The following DLGAP2 variants were observed in gnomAD, a reference collection of about 807,000 sequenced individuals.
The protein encoded by DLGAP2 is disks large-associated protein 2.
A neutral mutation model predicts 100.3 loss-of-function variants in DLGAP2; 26 were observed. The observed-to-expected ratio is 0.26, with a 90% CI of 0.19 to 0.36. The LOEUF (loss-of-function observed/expected upper bound fraction) is 0.36, where lower values mean the gene tolerates loss of function less well. Ranked by LOEUF, DLGAP2 falls within the 10% of genes least tolerant of loss-of-function variation. The pLI, the probability that DLGAP2 is intolerant of heterozygous loss-of-function variation, is 1.00. For missense variants in DLGAP2, 1,858 were observed against 1,453.2 expected, an observed-to-expected ratio of 1.28 and a Z score of -4.53; for synonymous variants, 886 against 630.1, an observed-to-expected ratio of 1.41 and a Z score of -6.08.
intron 2 of DLGAP2, among the ~76,000 whole-genome samples, chr8:1,163,199 T>C (rs765266060): frequency 1.9e-4 from 29 of 152,360 alleles, no homozygotes; most frequent in South Asian, 1.2e-3. Flanking sequence ...CTGACGTGTC[T>C]GTGCCAGTGA....
intron 3 of DLGAP2, among the ~76,000 whole-genome samples, chr8:1,266,962 C>G (rs1799465738): frequency 6.6e-6 from 1 of 151,996 alleles, no homozygotes. Flanking sequence ...GGCGCGGTGG[C>G]TCACGCCTAT....
chr8:1,040,497 T>TCAGTGTGCGTGGTCAG (rs1802310431), intron 2 of DLGAP2, among the ~76,000 whole-genome samples: 1 of 48,982 alleles, frequency 2.0e-5, no homozygotes, highest in Non-Finnish European at 4.1e-5. Context: ...TCCGTGGTCG[T>TCAGTGTGCGTGGTCAG]CTCGGTGTGC....
chr8:1,306,490 G>C (rs1033379197), intron 3 of DLGAP2, among the ~76,000 whole-genome samples: 1 of 152,140 alleles, frequency 6.6e-6, no homozygotes, highest in South Asian at 2.1e-4. Context: ...GCTTACTGTT[G>C]TTAAGATGTC....
intron 3 of DLGAP2, among the ~76,000 whole-genome samples, chr8:1,338,727 T>G: frequency 6.6e-6 from 1 of 151,858 alleles, no homozygotes; most frequent in Non-Finnish European, 1.5e-5. Flanking sequence ...GGGGAGAGAG[T>G]GAGCCCAGGA....
chr8:1,022,510 G>A (rs1436801714), intron 2 of DLGAP2, among the ~76,000 whole-genome samples: 3 of 148,410 alleles, frequency 2.0e-5, no homozygotes, highest in Non-Finnish European at 4.5e-5. Flanking sequence ...CCATGCCGAG[G>A]TAGACACTCC....
At chr8:1,511,597 T>C (rs1800165067) in intron 4 of DLGAP2, among the ~76,000 whole-genome samples, 1 of 151,596 alleles carries the variant, frequency 6.6e-6, no homozygotes, top group Admixed American at 6.6e-5. Context: ...GATGACCATC[T>C]TCCATGGACG....
At chr8:1,525,191 C>CTTTTTTTTTTTTTTT (rs56358216) in intron 4 of DLGAP2, among the ~76,000 whole-genome samples, 4 of 103,680 alleles carry the variant, frequency 3.9e-5, no homozygotes, top group Non-Finnish European at 3.8e-5. Context: ...ACTCTGATGT[C>CTTTTTTTTTTTTTTT]TTTTTTTTTT....
At chr8:1,293,623 A>G (rs1800107332) in intron 3 of DLGAP2, among the ~76,000 whole-genome samples, 2 of 152,138 alleles carry the variant, frequency 1.3e-5, no homozygotes, top group Admixed American at 6.5e-5. Flanking sequence ...TTAACCTCCA[A>G]TTTGAACAGA....
In DLGAP2 at chr8:1,127,854, C is replaced by T. The variant is rs147993317; in HGVS notation, c.74-130997C>T. ...ATAAGGGTTAAGTGGATTAGTCATTCGAGGCTTGGTATAAAGAGTCTGAAC... is the reference window on the plus strand; with the variant it reads ...ATAAGGGTTAAGTGGATTAGTCATTTGAGGCTTGGTATAAAGAGTCTGAAC... On this transcript the variant is annotated intron_variant, in intron 2 of 14. Coordinates refer to ENST00000637795, the MANE Select transcript of DLGAP2 (RefSeq NM_001346810.2). Among the ~76,000 whole-genome samples, 59 of 152,274 alleles carry T rather than the reference C, an allele frequency of 3.9e-4. 1 individual carries two copies. In the East Asian group the frequency reaches 0.011, roughly 27 times the overall value.
intron 1 of DLGAP2, among the ~76,000 whole-genome samples, chr8:820,910 A>G (rs1246210218): frequency 6.6e-6 from 1 of 152,208 alleles, no homozygotes; most frequent in Non-Finnish European, 1.5e-5. Context: ...ATGTTAATAT[A>G]TTAATAGGAA....
chr8:1,114,096 T>A (rs951400851), intron 2 of DLGAP2, among the ~76,000 whole-genome samples: 15 of 152,216 alleles, frequency 9.9e-5, no homozygotes, highest in Non-Finnish European at 1.9e-4. Flanking sequence ...GGATTTGGTT[T>A]GCAAGAATTT....
chr8:1,021,765 G>GGACA (rs1801629132), intron 2 of DLGAP2, among the ~76,000 whole-genome samples: 1 of 152,074 alleles, frequency 6.6e-6, no homozygotes, highest in Non-Finnish European at 1.5e-5. Context: ...TCTCCCTGTG[G>GGACA]GACACCCCAA....
chr8:1,621,470 C>T (rs562974849), intron 6 of DLGAP2: 9 of 152,290 alleles, frequency 5.9e-5, no homozygotes, highest in African/African-American at 1.4e-4. Context: ...GGGTCAGCCC[C>T]GTTGGGACCC....
intron 5 of DLGAP2, among the ~76,000 whole-genome samples, chr8:1,560,508 C>G (rs1263617260): frequency 6.6e-6 from 1 of 152,136 alleles, no homozygotes; most frequent in Non-Finnish European, 1.5e-5. Context: ...TCCCTGATTA[C>G]CAATTCCCCA....
At chr8:1,408,595 G>C (rs1269264061) in intron 3 of DLGAP2, among the ~76,000 whole-genome samples, 1 of 152,198 alleles carries the variant, frequency 6.6e-6, no homozygotes, top group African/African-American at 2.4e-5. Flanking sequence ...GGCAACTGGA[G>C]TTTCTAAGCC....
chr8:1,059,779 C>T (rs756215875), intron 2 of DLGAP2, among the ~76,000 whole-genome samples: 2 of 152,034 alleles, frequency 1.3e-5, no homozygotes, highest in Non-Finnish European at 1.5e-5. Context: ...CAGTGGTGAC[C>T]GCAGGAACCA....
rs569456046 is a variant in DLGAP2 at position 776,847 on chromosome 8, C to T, written c.18+39022C>T. ...TTCTGTTGATTTGGGGTGGAGAGTT[C>T]TGTAGATGTCTATTAGGTCCACTTG... is the stretch of plus-strand genomic sequence containing the variant. On this transcript the variant is annotated intron_variant, in intron 1 of 14. Coordinates refer to ENST00000637795, the MANE Select transcript of DLGAP2 (RefSeq NM_001346810.2). Among the ~76,000 whole-genome samples the T allele has an allele frequency of 6.7e-4, 102 of 152,234 alleles. 2 individuals are homozygous for T. The Middle Eastern group carries it at 0.01, about 15-fold the overall frequency.
At chr8:996,221 T>C (rs1034605940) in intron 2 of DLGAP2, among the ~76,000 whole-genome samples, 1 of 152,184 alleles carries the variant, frequency 6.6e-6, no homozygotes, top group Admixed American at 6.5e-5. Flanking sequence ...TCTTTACTTA[T>C]AGTAACTTTT....
intron 4 of DLGAP2, among the ~76,000 whole-genome samples, chr8:1,506,773 A>G (rs1799935345): frequency 6.6e-6 from 1 of 152,206 alleles, no homozygotes; most frequent in Non-Finnish European, 1.5e-5. Flanking sequence ...TCCCTGAGCT[A>G]GACAAAGAGT....
Sources: gnomAD v4.1 joint callset for allele counts (sites outside exome capture counted in the v4.1 genomes callset) on GRCh38, gnomAD v4.1.1 for gene constraint, MANE v1.5 for transcripts, NCBI Gene and HGNC (gene_info 2026-07-23, HGNC 2026-07-21) for gene names.